MCF2L2: variants seen among roughly 807,000 people sequenced by gnomAD.
MCF2L2 encodes MCF.2 cell line derived transforming sequence-like 2.
MCF2L2 carries 102 observed loss-of-function variants against 150.2 expected under a neutral mutation model. The observed-to-expected ratio is 0.68, with a 90% confidence interval of 0.58 to 0.80. The LOEUF is 0.80. MCF2L2 is among the 30% of genes least tolerant of loss of function. The pLI is 0.00. For missense variants in MCF2L2, 1,256 were observed against 1,372.8 expected (o/e 0.91, Z 1.34); for synonymous variants, 465 against 491.3 (o/e 0.95, Z 0.71).
At chr3:183,282,212 G>T (rs1237775520) in intron 14 of MCF2L2, among the ~76,000 whole-genome samples, 4 of 150,624 alleles carry the variant, frequency 2.7e-5, no homozygotes, top group Admixed American at 1.3e-4. Context: ...AGAGTCTTGT[G>T]CTGTCGCCCA....
intron 16 of MCF2L2, 59 bp downstream of exon 16, chr3:183,230,892 C>A: frequency 7.4e-7 from 1 of 1,352,474 alleles, no homozygotes; most frequent in Middle Eastern, 1.8e-4. Flanking sequence ...TCTCTTTGTA[C>A]AACAAAACAT....
At chr3:183,384,541 CG>C (rs941426657) in intron 2 of MCF2L2, among the ~76,000 whole-genome samples, 3 of 152,204 alleles carry the variant, frequency 2.0e-5, no homozygotes, top group African/African-American at 2.4e-5. Flanking sequence ...TGTGGCCCCC[CG>C]CCCAGGAACT....
chr3:183,412,386 C>T (rs1469668104), intron 1 of MCF2L2, among the ~76,000 whole-genome samples: 1 of 152,146 alleles, frequency 6.6e-6, no homozygotes, highest in African/African-American at 2.4e-5. Flanking sequence ...CCTCCACCTC[C>T]CAGGTTAAAG....
chr3:183,289,267 A>C, intron 13 of MCF2L2, 47 bp from the exon 14 acceptor site: 2 of 1,267,668 alleles, frequency 1.6e-6, no homozygotes, highest in Non-Finnish European at 2.3e-6. Flanking sequence ...ATAAACTATA[A>C]CTCAGTGCAC....
intron 15 of MCF2L2, among the ~76,000 whole-genome samples, chr3:183,235,816 G>GT (rs1723796785): frequency 6.1e-5 from 1 of 16,436 alleles, no homozygotes; most frequent in African/African-American, 7.1e-4. Flanking sequence ...TTCTTCTAGG[G>GT]TTTTTATGGT....
intron 7 of MCF2L2, among the ~76,000 whole-genome samples, chr3:183,313,110 A>T (rs1560016622): frequency 1.3e-5 from 2 of 152,204 alleles, no homozygotes. Context: ...GAATAAAGAC[A>T]AATTAGATAT....
intron 15 of MCF2L2, among the ~76,000 whole-genome samples, chr3:183,242,475 T>C (rs1724073081): frequency 6.6e-6 from 1 of 152,216 alleles, no homozygotes; most frequent in Non-Finnish European, 1.5e-5. Context: ...GCTCCAGCCA[T>C]GGCTGAAAGG....
intron 15 of MCF2L2, chr3:183,269,532 A>C: frequency 2.6e-6 from 1 of 386,394 alleles, no homozygotes; most frequent in East Asian, 5.0e-5. Context: ...GAGCCGCATG[A>C]GGCCGCCCAC....
intron 3 of MCF2L2, among the ~76,000 whole-genome samples, chr3:183,347,849 A>G (rs1577080260): frequency 6.6e-6 from 1 of 152,244 alleles, no homozygotes; most frequent in Non-Finnish European, 1.5e-5. Context: ...AACCACAATG[A>G]GATACCATCT....
At chr3:183,352,764 T>C (rs994380283) in intron 3 of MCF2L2, among the ~76,000 whole-genome samples, 33 of 152,198 alleles carry the variant, frequency 2.2e-4, no homozygotes, top group African/African-American at 7.9e-4. Flanking sequence ...AACTAACTTA[T>C]TAGAAAAAAG....
chr3:183,220,588 T>G (rs758177462), intron 20 of MCF2L2, among the ~76,000 whole-genome samples: 6 of 152,176 alleles, frequency 3.9e-5, no homozygotes, highest in Non-Finnish European at 8.8e-5. Context: ...ATGTTAAGAG[T>G]TTTGAGGCAT....
chr3:183,184,766 T>C (rs1482791860), intron 27 of MCF2L2, among the ~76,000 whole-genome samples: 1 of 152,262 alleles, frequency 6.6e-6, no homozygotes, highest in Admixed American at 6.5e-5. Context: ...AAAATCATGG[T>C]GTTTCCCTTA....
At position 183,391,136 on chromosome 3, in the gene MCF2L2, C is replaced by G. The variant is rs1485526412; in HGVS notation, c.77-1357G>C. On this transcript the variant is annotated intron_variant, in intron 1 of 29. Coordinates refer to ENST00000328913, the MANE Select transcript of MCF2L2 (RefSeq NM_015078.4). ...TCTCTGAGTCTTGGTCTACTCTCAG[C>G]TTTTTGGTGTGGAGGTTAAAGGAGA... Among the ~76,000 whole-genome samples, 6 of 152,044 alleles carry G rather than the reference C, an allele frequency of 3.9e-5. No individual in the cohort carries two copies. The East Asian group carries it at 1.2e-3, about 29-fold the overall frequency.
intron 15 of MCF2L2, among the ~76,000 whole-genome samples, chr3:183,246,903 GT>G (rs1724283421): frequency 6.6e-6 from 1 of 152,102 alleles, no homozygotes; most frequent in Admixed American, 6.5e-5. Flanking sequence ...ATGAAGTAAG[GT>G]TGTTTTTGTT....
intron 14 of MCF2L2, among the ~76,000 whole-genome samples, chr3:183,280,394 G>A (rs73884633): frequency 0.026 from 3,919 of 151,786 alleles, 174 homozygotes; most frequent in African/African-American, 0.087. Flanking sequence ...CCCAATAGCT[G>A]ATTTTCAATC....
intron 5 of MCF2L2, among the ~76,000 whole-genome samples, chr3:183,324,758 G>C (rs569029190): frequency 6.6e-6 from 1 of 151,752 alleles, no homozygotes; most frequent in African/African-American, 2.4e-5. Flanking sequence ...GTGGCCTAAA[G>C]TCTATAGGCC....
intron 1 of MCF2L2, among the ~76,000 whole-genome samples, chr3:183,400,120 T>C (rs1339809999): frequency 6.6e-6 from 1 of 152,196 alleles, no homozygotes. Context: ...ATGTTTTTAT[T>C]ATGAATCTAC....
chr3:183,332,693 G>A (rs1730320597), intron 5 of MCF2L2, among the ~76,000 whole-genome samples: 1 of 152,122 alleles, frequency 6.6e-6, no homozygotes, highest in South Asian at 2.1e-4. Context: ...AGTCACGAAG[G>A]GACTCGTGAA....
chr3:183,389,314 G>A (rs779332299), intron 2 of MCF2L2, among the ~76,000 whole-genome samples: 10 of 152,150 alleles, frequency 6.6e-5, no homozygotes, highest in Non-Finnish European at 1.2e-4. Flanking sequence ...AGCAACGCTC[G>A]GGAACCCTTA....
Sources: allele counts gnomAD v4.1 joint callset (sites outside exome capture counted in the v4.1 genomes callset), GRCh38; gene constraint gnomAD v4.1.1; transcripts MANE v1.5; gene names NCBI Gene and HGNC (gene_info 2026-07-23, HGNC 2026-07-21).